TRPS1: variants seen among roughly 807,000 people sequenced by gnomAD.
The protein encoded by TRPS1 is transcriptional repressor GATA binding 1.
In TRPS1, 6 loss-of-function variants were observed where a neutral mutation model predicts 101.2. The observed-to-expected ratio is 0.06, with a 90% CI of 0.03 to 0.12. The LOEUF is 0.12. TRPS1 is among the 10% of genes least tolerant of loss of function. The probability of loss-of-function intolerance (pLI) is 1.00; values close to 1 mark genes in which losing one functional copy is unlikely to be tolerated. For synonymous variants in TRPS1, 578 were observed against 589.8 expected (o/e 0.98, Z 0.29); for missense variants, 1,363 against 1,567.0 (o/e 0.87, Z 2.20).
In TRPS1 at chr8:115,411,521, A is replaced by T. The variant is rs1033157710; in HGVS notation, c.*2502T>A. 6.6e-6 allele frequency: 1 copy of T among 152,486 alleles called. No homozygotes were observed. The highest frequency in any genetic ancestry group is 6.6e-5 in the Admixed American group (1 of 15,242). 9.4% of individuals were successfully genotyped at this position (152,486 alleles called of 1,614,324 possible). A position where few individuals can be genotyped will look rare whatever the true frequency, so the allele number is the denominator to read the frequency against. Reference sequence around the variant, plus strand: ...TTATTCTTTTTACTAAGAAAATTAAATATTGTTGTTTGGGGGAATCTCCTC... The same window carrying T: ...TTATTCTTTTTACTAAGAAAATTAATTATTGTTGTTTGGGGGAATCTCCTC... On this transcript the variant is annotated 3_prime_UTR_variant, in exon 7 of 7. Transcript: ENST00000395715.
intron 5 of TRPS1, among the ~76,000 whole-genome samples, chr8:115,575,954 C>T (rs1040796703): frequency 6.6e-6 from 1 of 152,040 alleles, no homozygotes; most frequent in Admixed American, 6.6e-5. Flanking sequence ...GTTTCTGCAT[C>T]CAAAATTCTG....
chr8:115,531,197 T>C (rs1274414403), intron 5 of TRPS1, among the ~76,000 whole-genome samples: 1 of 152,194 alleles, frequency 6.6e-6, no homozygotes, highest in African/African-American at 2.4e-5. Flanking sequence ...AAACGAATGA[T>C]ATAGGTGCCT....
At chr8:115,574,585 T>C (rs868216642) in intron 5 of TRPS1, among the ~76,000 whole-genome samples, 1 of 152,292 alleles carries the variant, frequency 6.6e-6, no homozygotes, top group Middle Eastern at 3.4e-3. Flanking sequence ...ACTGTACAAA[T>C]AGCTGTAAGC....
At chr8:115,425,563 C>T (rs528413086) in intron 5 of TRPS1, among the ~76,000 whole-genome samples, 14 of 152,296 alleles carry the variant, frequency 9.2e-5, no homozygotes, top group South Asian at 4.1e-4. Context: ...CTGACAATGT[C>T]GCCACATAGG....
rs145703510 is a variant in TRPS1 at position 115,635,405 on chromosome 8, T to C, written c.-121-11647A>G. ...ACTGACCAAGTGATATGATAACTGA[T>C]GCTCCTAAGTCAAAACTCACGTAAC... On this transcript the variant is annotated intron_variant, in intron 1 of 6. Transcript: ENST00000395715. Among the ~76,000 whole-genome samples the C allele has an allele frequency of 2.0e-3, 304 of 152,296 alleles. 1 individual carries two copies. Among genetic ancestry groups the C allele is most frequent in the Non-Finnish European group, 3.6e-3 (243 of 68,018 alleles).
intron 5 of TRPS1, among the ~76,000 whole-genome samples, chr8:115,451,471 T>TGAACACATGAAAGAAACAGACTGCTGTC (rs1330893837): frequency 2.6e-5 from 4 of 152,142 alleles, no homozygotes; most frequent in Non-Finnish European, 2.9e-5. Context: ...ATGGAACTGA[T>TGAACACATGAAAGAAACAGACTGCTGTC]GAACACATGA....
intron 5 of TRPS1, among the ~76,000 whole-genome samples, chr8:115,493,225 C>A (rs1815071386): frequency 6.6e-6 from 1 of 152,118 alleles, no homozygotes; most frequent in Admixed American, 6.5e-5. Context: ...CCATAATAAG[C>A]CACTAGCTTT....
chr8:115,462,425 T>C (rs1814203532), intron 5 of TRPS1, among the ~76,000 whole-genome samples: 1 of 152,152 alleles, frequency 6.6e-6, no homozygotes. Context: ...ACCTCCCCCA[T>C]ATATTAGCTT....
intron 5 of TRPS1, among the ~76,000 whole-genome samples, chr8:115,433,306 G>C (rs1262249299): frequency 6.6e-6 from 1 of 151,878 alleles, no homozygotes; most frequent in Non-Finnish European, 1.5e-5. Context: ...TCAGGATTAA[G>C]ATAGTCAATT....
intron 5 of TRPS1, among the ~76,000 whole-genome samples, chr8:115,568,756 A>C (rs1309758513): frequency 2.6e-5 from 4 of 152,126 alleles, no homozygotes; most frequent in South Asian, 2.1e-4. Flanking sequence ...ATATCAGCAA[A>C]TACACTTCTT....
At chr8:115,641,022 T>C (rs901008407) in intron 1 of TRPS1, among the ~76,000 whole-genome samples, 1 of 152,210 alleles carries the variant, frequency 6.6e-6, no homozygotes, top group African/African-American at 2.4e-5. Flanking sequence ...ACAGTCTGGA[T>C]TCATATGTAT....
At chr8:115,444,686 T>C (rs1248493925) in intron 5 of TRPS1, among the ~76,000 whole-genome samples, 1 of 152,218 alleles carries the variant, frequency 6.6e-6, no homozygotes, top group Non-Finnish European at 1.5e-5. Flanking sequence ...ATTAATAAAA[T>C]GAATTGTGTC....
Position 115,599,556 on chromosome 8 carries a change from T to C in TRPS1, c.2096+4317A>G, listed in dbSNP as rs555127062. Among the ~76,000 whole-genome samples, 4 of 152,254 alleles carry C rather than the reference T, an allele frequency of 2.6e-5. No individual in the cohort carries two copies. The South Asian group carries it at 8.3e-4, about 32-fold the overall frequency. On this transcript the variant is annotated intron_variant, in intron 4 of 6. Coordinates refer to ENST00000395715, the MANE Select transcript of TRPS1 (RefSeq NM_014112.5). ...TCCACACCGTGTCCATATGTTCTCA[T>C]TGTTCAACTCCCACTTATAAGTGAG...
Position 115,530,078 on chromosome 8 carries a change from A to T in TRPS1, c.2700+56923T>A, listed in dbSNP as rs542559783. 3.2e-4 allele frequency among the ~76,000 whole-genome samples: 48 copies of T among 152,234 alleles called. No individual in the cohort carries two copies. The East Asian group carries it at 3.9e-3, about 12-fold the overall frequency. On this transcript the variant is annotated intron_variant, in intron 5 of 6. Transcript: ENST00000395715. ...ATCTGAAGAACTTAATAATTTTTTT[A>T]AAAAAGTTCATGTTATTAGTACTGT...
At chr8:115,470,037 G>C (rs1814427744) in intron 5 of TRPS1, among the ~76,000 whole-genome samples, 1 of 152,164 alleles carries the variant, frequency 6.6e-6, no homozygotes, top group Non-Finnish European at 1.5e-5. Flanking sequence ...GGGCAACAAG[G>C]ACAGGGTTTT....
Position 115,585,245 on chromosome 8 carries a change from A to G in TRPS1, c.2700+1756T>C, listed in dbSNP as rs371406859. 2.0e-5 allele frequency among the ~76,000 whole-genome samples: 3 copies of G among 152,210 alleles called. No individual in the cohort carries two copies. In the East Asian group the frequency reaches 5.8e-4, roughly 29 times the overall value. ...TAAGGAAGTGGAGGAATTGAGAAAA[A>G]CAACTTTTTAGAAAAGTATTAACAT... On this transcript the variant is annotated intron_variant, in intron 5 of 6. Transcript: ENST00000395715.
At chr8:115,518,338 T>G (rs1392532329) in intron 5 of TRPS1, among the ~76,000 whole-genome samples, 1 of 151,756 alleles carries the variant, frequency 6.6e-6, no homozygotes, top group Non-Finnish European at 1.5e-5. Context: ...CTATTCTCAC[T>G]CTAGAAAATA....
intron 4 of TRPS1, among the ~76,000 whole-genome samples, chr8:115,598,434 GT>G (rs1817836177): frequency 1.3e-5 from 2 of 152,038 alleles, no homozygotes; most frequent in South Asian, 4.2e-4. Context: ...CAGCGCCTGA[GT>G]ACCTGGGACC....
chr8:115,665,586 CTT>C (rs1409589953), intron 1 of TRPS1, among the ~76,000 whole-genome samples: 1 of 152,108 alleles, frequency 6.6e-6, no homozygotes, highest in Non-Finnish European at 1.5e-5. Context: ...GTATGTGTAA[CTT>C]ATTTCGGATT....
Sources: allele counts gnomAD v4.1 joint callset (sites outside exome capture counted in the v4.1 genomes callset), GRCh38; gene constraint gnomAD v4.1.1; transcripts MANE v1.5; gene names NCBI Gene and HGNC (gene_info 2026-07-23, HGNC 2026-07-21).